ST18: variants seen among roughly 807,000 people sequenced by gnomAD.
ST18 encodes suppression of tumorigenicity 18 protein.
In ST18, 50 loss-of-function variants were observed where a neutral mutation model predicts 110.0. The observed-to-expected ratio is 0.45, with a 90% CI of 0.36 to 0.58. The LOEUF is 0.58. ST18 is among the 20% of genes least tolerant of loss of function. ST18 has a pLI of 0.00. For synonymous variants in ST18, 461 were observed against 452.4 expected (o/e 1.02, Z -0.24); for missense variants, 1,306 against 1,280.1 (o/e 1.02, Z -0.31).
chr8:52,277,233 C>T (rs1323733457), intron 2 of ST18, among the ~76,000 whole-genome samples: 1 of 152,150 alleles, frequency 6.6e-6, no homozygotes, highest in Non-Finnish European at 1.5e-5. Context: ...ACACTTGTCA[C>T]CATCACATCC....
chr8:52,130,062 AAGAGAG>A (rs753697046), intron 22 of ST18, among the ~76,000 whole-genome samples: 13 of 141,342 alleles, frequency 9.2e-5, no homozygotes, highest in African/African-American at 1.1e-4. Flanking sequence ...GAAAGAAAGA[AAGAGAG>A]AGAGAGAGAG....
At chr8:52,199,713 T>C (rs1416055022) in intron 8 of ST18, 1 of 152,158 alleles carries the variant, frequency 6.6e-6, no homozygotes, top group Non-Finnish European at 1.5e-5. Context: ...GAACTATGCT[T>C]CATATGTACT....
rs188057186 is a variant in ST18 at position 52,157,091 on chromosome 8, A to C, written c.1806+1807T>G. On this transcript the variant is annotated intron_variant, in intron 15 of 25. Transcript: ENST00000689386. Reference sequence around the variant, plus strand: ...GAGTGCTCCCGCCAGGAGCCCAAGAACACAACACTGAAAATCTACTGTTTG... The same window carrying C: ...GAGTGCTCCCGCCAGGAGCCCAAGACCACAACACTGAAAATCTACTGTTTG... Among the ~76,000 whole-genome samples the C allele has an allele frequency of 7.9e-5, 12 of 152,354 alleles. 1 individual carries two copies. The East Asian group carries it at 2.3e-3, about 29-fold the overall frequency.
chr8:52,303,399 A>C (rs1238519894), intron 2 of ST18, among the ~76,000 whole-genome samples: 1 of 152,224 alleles, frequency 6.6e-6, no homozygotes, highest in Admixed American at 6.5e-5. Context: ...TGGATTTAAG[A>C]TCACTCTAAT....
chr8:52,158,528 A>G (rs10108885), intron 15 of ST18, among the ~76,000 whole-genome samples: 1,568 of 152,328 alleles, frequency 0.01, 20 homozygotes, highest in African/African-American at 0.036. Flanking sequence ...GCAGACACTG[A>G]AAAGCTTCCA....
intron 2 of ST18, among the ~76,000 whole-genome samples, chr8:52,340,967 G>A (rs1814699693): frequency 1.3e-5 from 2 of 152,186 alleles, no homozygotes; most frequent in African/African-American, 4.8e-5. Context: ...CAACTGAAAA[G>A]ATTTCCTGGA....
At chr8:52,360,389 G>A (rs1040827537) in intron 2 of ST18, among the ~76,000 whole-genome samples, 3 of 151,804 alleles carry the variant, frequency 2.0e-5, no homozygotes, top group Non-Finnish European at 4.4e-5. Context: ...TATACTGTGA[G>A]GTACGCTTCA....
rs768506806 is a variant in ST18 at position 52,398,085 on chromosome 8, T to C, written c.-465+11243A>G. ...TTCTTCCTATACATGGACACATTTA[T>C]TTATACCTTCTTCAATTTCTGTTTT... On this transcript the variant is annotated intron_variant, in intron 2 of 25. Coordinates refer to ENST00000689386, the MANE Select transcript of ST18 (RefSeq NM_001352837.2). 1.7e-4 allele frequency among the ~76,000 whole-genome samples: 26 copies of C among 152,264 alleles called. No individual in the cohort carries two copies. The Middle Eastern group carries it at 0.01, about 60-fold the overall frequency.
intron 22 of ST18, among the ~76,000 whole-genome samples, chr8:52,127,961 T>C (rs1199470621): frequency 1.3e-5 from 2 of 149,164 alleles, no homozygotes; most frequent in Non-Finnish European, 2.9e-5. Context: ...CATTCTATTA[T>C]GACATATTAA....
chr8:52,249,962 T>C (rs1454631174), intron 2 of ST18, among the ~76,000 whole-genome samples: 1 of 151,604 alleles, frequency 6.6e-6, no homozygotes, highest in Admixed American at 6.6e-5. Context: ...TCCTCCTTCC[T>C]CCCCCCGACC....
chr8:52,244,047 A>G (rs767037016), intron 2 of ST18, among the ~76,000 whole-genome samples: 1 of 152,132 alleles, frequency 6.6e-6, no homozygotes, highest in Non-Finnish European at 1.5e-5. Context: ...TGACCCTTGG[A>G]TCCTCCAGTT....
chr8:52,283,059 A>G (rs2095413172), intron 2 of ST18, among the ~76,000 whole-genome samples: 1 of 152,180 alleles, frequency 6.6e-6, no homozygotes, highest in Non-Finnish European at 1.5e-5. Context: ...GGATCAGGGC[A>G]CTGGGGGACT....
chr8:52,196,996 A>G (rs2076391431), intron 8 of ST18, among the ~76,000 whole-genome samples: 1 of 152,244 alleles, frequency 6.6e-6, no homozygotes, highest in African/African-American at 2.4e-5. Context: ...TTCAAAGTAA[A>G]TTGCAGTTAT....
intron 8 of ST18, among the ~76,000 whole-genome samples, chr8:52,190,452 T>G (rs1353630670): frequency 6.6e-6 from 1 of 152,112 alleles, no homozygotes; most frequent in Non-Finnish European, 1.5e-5. Context: ...AGACTGATCC[T>G]GGGGGCCGAC....
intron 9 of ST18, among the ~76,000 whole-genome samples, chr8:52,178,460 C>T (rs1223354717): frequency 4.6e-5 from 7 of 151,232 alleles, no homozygotes; most frequent in Non-Finnish European, 1.0e-4. Context: ...AACCCTGTCT[C>T]TACCAAAAAT....
intron 2 of ST18, among the ~76,000 whole-genome samples, chr8:52,358,298 G>C (rs1470012062): frequency 6.6e-6 from 1 of 151,868 alleles, no homozygotes; most frequent in Non-Finnish European, 1.5e-5. Flanking sequence ...TAAGGAGCTA[G>C]AAAACCAGGA....
chr8:52,205,201 T>G (rs1223958586), intron 8 of ST18, among the ~76,000 whole-genome samples: 1 of 150,138 alleles, frequency 6.7e-6, no homozygotes, highest in Non-Finnish European at 1.5e-5. Context: ...TATATATATT[T>G]TATTACATAC....
chr8:52,208,343 G>A (rs1588480549), intron 8 of ST18, among the ~76,000 whole-genome samples: 1 of 152,196 alleles, frequency 6.6e-6, no homozygotes, highest in East Asian at 1.9e-4. Flanking sequence ...AAGATACTCA[G>A]AATTTAGGCA....
intron 2 of ST18, among the ~76,000 whole-genome samples, chr8:52,254,790 C>T (rs568420739): frequency 1.3e-5 from 2 of 152,236 alleles, no homozygotes; most frequent in East Asian, 3.9e-4. Context: ...GTCCTCCTGC[C>T]TCTAGAAGAC....
Sources: allele counts gnomAD v4.1 joint callset (sites outside exome capture counted in the v4.1 genomes callset), GRCh38; gene constraint gnomAD v4.1.1; transcripts MANE v1.5; gene names NCBI Gene and HGNC (gene_info 2026-07-23, HGNC 2026-07-21).